The following CACNA2D1 variants were observed in gnomAD, a reference collection of about 807,000 sequenced individuals.
The protein encoded by CACNA2D1 is calcium voltage-gated channel auxiliary subunit alpha2delta 1.
A neutral mutation model predicts 171.5 loss-of-function variants in CACNA2D1; 53 were observed. That is an observed-to-expected ratio of 0.31 (90% confidence interval 0.25 to 0.39). The LOEUF is 0.39. Among genes scored for constraint, CACNA2D1 ranks in the 10% least tolerant of loss-of-function variants. The pLI, the probability that CACNA2D1 is intolerant of heterozygous loss-of-function variation, is 1.00. For missense variants in CACNA2D1, 903 were observed against 1,299.8 expected (o/e 0.69, Z 4.69); for synonymous variants, 442 against 443.1 (o/e 1.00, Z 0.03).
At position 82,111,428 on chromosome 7, in the gene CACNA2D1, G is replaced by A. The variant is rs865870627; in HGVS notation, c.526+5616C>T. On this transcript the variant is annotated intron_variant, in intron 6 of 38. Transcript: ENST00000356860. ...TATTCATATATGTGTATATATGTGT[G>A]TATATATATATATATATTTTTTTTT... is the stretch of plus-strand genomic sequence containing the variant. Among the ~76,000 whole-genome samples the A allele has an allele frequency of 5.2e-3, 260 of 50,318 alleles. 5 individuals carry two copies. The highest frequency in any genetic ancestry group is 0.018 in the African/African-American group (187 of 10,506). 33.0% of individuals were successfully genotyped at this position (50,318 alleles called of 152,430 possible). A position where few individuals can be genotyped will look rare whatever the true frequency, so the allele number is the denominator to read the frequency against.
At chr7:82,396,315 C>G (rs1288152270) in intron 1 of CACNA2D1, among the ~76,000 whole-genome samples, 1 of 152,090 alleles carries the variant, frequency 6.6e-6, no homozygotes, top group East Asian at 1.9e-4. Context: ...GAGACCCCAT[C>G]TCTATAAGAA....
At chr7:82,060,827 C>T (rs1016233471) in intron 9 of CACNA2D1, among the ~76,000 whole-genome samples, 3 of 151,954 alleles carry the variant, frequency 2.0e-5, no homozygotes, top group Middle Eastern at 3.4e-3. Context: ...GTCACTCATT[C>T]GGTTCTGTTA....
At chr7:82,265,913 A>G (rs190332322) in intron 3 of CACNA2D1, among the ~76,000 whole-genome samples, 1 of 152,286 alleles carries the variant, frequency 6.6e-6, no homozygotes, top group East Asian at 1.9e-4. Context: ...TAATCTCAAT[A>G]AAGAACCTAT....
intron 3 of CACNA2D1, among the ~76,000 whole-genome samples, chr7:82,275,830 A>C (rs1204490461): frequency 6.6e-6 from 1 of 152,174 alleles, no homozygotes; most frequent in African/African-American, 2.4e-5. Context: ...CAATATAGTT[A>C]ATGATTTTCT....
At chr7:82,008,689 C>A (rs1799402678) in intron 15 of CACNA2D1, among the ~76,000 whole-genome samples, 1 of 151,962 alleles carries the variant, frequency 6.6e-6, no homozygotes, top group Admixed American at 6.6e-5. Flanking sequence ...ATAGTGATTC[C>A]AAATCCAAAT....
chr7:82,361,744 A>C (rs1821102142), intron 1 of CACNA2D1, among the ~76,000 whole-genome samples: 1 of 152,192 alleles, frequency 6.6e-6, no homozygotes, highest in Admixed American at 6.5e-5. Context: ...ACGTACAGTT[A>C]TTGGAGAAGG....
At position 82,064,238 on chromosome 7, in the gene CACNA2D1, T is replaced by G. The variant is rs192935305; in HGVS notation, c.779+66A>C. On this transcript the variant is annotated intron_variant, in intron 9 of 38. Transcript: ENST00000356860. ...TATCAAACCTTTCTTAGTCCCACCA[T>G]ACTACTGTTATCTACAAATCCTCCC... 264 of 1,100,084 alleles carry G rather than the reference T, an allele frequency of 2.4e-4. No homozygotes were observed. In the African/African-American group the frequency reaches 3.4e-3, roughly 14 times the overall value. The allele number at this position is 1,100,084 out of a possible 1,614,324, so 68.1% of individuals were successfully genotyped here. A position where few individuals can be genotyped will look rare whatever the true frequency, so the allele number is the denominator to read the frequency against.
At chr7:82,237,696 A>G (rs1803771439) in intron 3 of CACNA2D1, among the ~76,000 whole-genome samples, 1 of 151,982 alleles carries the variant, frequency 6.6e-6, no homozygotes, top group African/African-American at 2.4e-5. Context: ...CTTAATTTCA[A>G]TATGCTATAA....
At chr7:82,342,931 T>C (rs1410439787) in intron 2 of CACNA2D1, 1 of 152,190 alleles carries the variant, frequency 6.6e-6, no homozygotes, top group Non-Finnish European at 1.5e-5. Context: ...GTAAACTACC[T>C]AGCTCAGAAC....
intron 10 of CACNA2D1, among the ~76,000 whole-genome samples, chr7:82,040,263 T>C (rs1803772159): frequency 1.3e-5 from 2 of 152,034 alleles, no homozygotes; most frequent in South Asian, 2.1e-4. Context: ...GTTTCTGACA[T>C]GGGCATCTGG....
In CACNA2D1 at chr7:82,136,621, C is replaced by T. The variant is rs1791645547; in HGVS notation, c.396+14G>A. The T allele has an allele frequency of 6.4e-6, 10 of 1,572,014 alleles. 1 individual carries two copies. The highest frequency in any genetic ancestry group is 3.4e-5 in the South Asian group (3 of 87,794). The stretch of plus-strand genomic sequence containing the variant: ...AATTTTCTTGGAATTTAATGGAAAA[C>T]ATTTAATACTCACATCGAGATCATC... On this transcript the variant is annotated intron_variant, in intron 5 of 38. Transcript: ENST00000356860.
intron 4 of CACNA2D1, among the ~76,000 whole-genome samples, chr7:82,141,092 C>A (rs2129087655): frequency 6.6e-6 from 1 of 151,864 alleles, no homozygotes; most frequent in East Asian, 1.9e-4. Context: ...CAGTCATTCT[C>A]TTTCCTATCA....
chr7:82,431,398 C>T (rs867976424), intron 1 of CACNA2D1, among the ~76,000 whole-genome samples: 7 of 152,110 alleles, frequency 4.6e-5, no homozygotes, highest in South Asian at 2.1e-4. Context: ...TTAATCCTCA[C>T]GATAACATTG....
At chr7:82,110,874 C>T (rs1032748917) in intron 6 of CACNA2D1, among the ~76,000 whole-genome samples, 2 of 152,020 alleles carry the variant, frequency 1.3e-5, no homozygotes, top group Non-Finnish European at 2.9e-5. Flanking sequence ...CTATTTTTAT[C>T]GAGAGCACTC....
chr7:82,100,389 T>C (rs1812531878), intron 6 of CACNA2D1, among the ~76,000 whole-genome samples: 1 of 152,156 alleles, frequency 6.6e-6, no homozygotes, highest in African/African-American at 2.4e-5. Context: ...TCACATCCTT[T>C]ATTAAAATAT....
At chr7:82,404,210 A>G (rs1021324141) in intron 1 of CACNA2D1, among the ~76,000 whole-genome samples, 3 of 152,196 alleles carry the variant, frequency 2.0e-5, no homozygotes, top group African/African-American at 7.2e-5. Context: ...AAAGAAAGAC[A>G]GGGAAAGAGC....
chr7:82,359,093 C>T lies in CACNA2D1; in HGVS notation c.96-9444G>A, dbSNP rs574801209. ...TTAGTTACAACCTCTAGCATAGTCC[C>T]GGGTAGCCTGATGCCAGCCGAGGTG... On this transcript the variant is annotated intron_variant, in intron 1 of 38. Transcript: ENST00000356860. Among the ~76,000 whole-genome samples, 76 of 152,154 alleles carry T rather than the reference C, an allele frequency of 5.0e-4. 1 individual carries two copies. In the East Asian group the frequency reaches 8.9e-3, roughly 18 times the overall value.
chr7:82,007,530 T>G, intron 16 of CACNA2D1, 149 bp downstream of exon 16: 1 of 595,994 alleles, frequency 1.7e-6, no homozygotes, highest in Non-Finnish European at 3.0e-6. Flanking sequence ...CCCAGGTGGT[T>G]ATCGCATAGG....
Position 82,376,165 on chromosome 7 carries a change from TAA to T in CACNA2D1, c.96-26518_96-26517del, listed in dbSNP as rs201746293. On this transcript the variant is annotated intron_variant, in intron 1 of 38. Coordinates refer to ENST00000356860, the MANE Select transcript of CACNA2D1 (RefSeq NM_000722.4). ...AGATCCCAAACATGGCTAAATCCTT[TAA>T]AAACAAATTTTTAAATTACTAGGAG... Among the ~76,000 whole-genome samples the T allele has an allele frequency of 7.2e-3, 1,096 of 152,316 alleles. 17 individuals are homozygous for T. Among genetic ancestry groups the T allele is most frequent in the African/African-American group, 0.024 (1,016 of 41,562 alleles).
Sources: gnomAD v4.1 joint callset for allele counts (sites outside exome capture counted in the v4.1 genomes callset) on GRCh38, gnomAD v4.1.1 for gene constraint, MANE v1.5 for transcripts, NCBI Gene and HGNC (gene_info 2026-07-23, HGNC 2026-07-21) for gene names.